The following ATG4B variants were observed in gnomAD, a reference collection of about 807,000 sequenced individuals.
ATG4B encodes the protein autophagy related 4B cysteine peptidase.
ATG4B carries 29 observed loss-of-function variants against 56.6 expected under a neutral mutation model. The observed-to-expected ratio is 0.51, with a 90% CI of 0.38 to 0.70. ATG4B has a LOEUF of 0.70. ATG4B is among the 30% of genes least tolerant of loss of function. The probability of loss-of-function intolerance (pLI) is 0.00; values close to 1 mark genes in which losing one functional copy is unlikely to be tolerated. For missense variants in ATG4B, 461 were observed against 515.5 expected, an observed-to-expected ratio of 0.89 and a Z score of 1.02; for synonymous variants, 224 against 206.1, an observed-to-expected ratio of 1.09 and a Z score of -0.74.
chr2:241,645,864 G>A (rs879870976), intron 1 of ATG4B, among the ~76,000 whole-genome samples: 2 of 152,174 alleles, frequency 1.3e-5, no homozygotes, highest in South Asian at 2.1e-4. Flanking sequence ...GGGGAGGGCC[G>A]GAGTGCGTTT....
At chr2:241,648,111 C>T (rs1480062905) in intron 1 of ATG4B, among the ~76,000 whole-genome samples, 1 of 151,974 alleles carries the variant, frequency 6.6e-6, no homozygotes, top group African/African-American at 2.4e-5. Context: ...GAGACTCCAT[C>T]ACAAAAGAAT....
chr2:241,662,986 A>G (rs1185532552), intron 7 of ATG4B, among the ~76,000 whole-genome samples: 1 of 152,204 alleles, frequency 6.6e-6, no homozygotes, highest in East Asian at 1.9e-4. Flanking sequence ...CTATAATCCC[A>G]GCACTTCGGG....
At chr2:241,672,066 A>C in intron 12 of ATG4B, 125 bp from the exon 13 acceptor site, 8 of 1,446,548 alleles carry the variant, frequency 5.5e-6, no homozygotes, top group South Asian at 2.7e-5. Context: ...TCACACCCGC[A>C]TGGGGACAGC....
Position 241,668,704 on chromosome 2 carries a change from A to G in ATG4B, c.957+19A>G, listed in dbSNP as rs756536832. 9 of 1,559,842 alleles carry G rather than the reference A, an allele frequency of 5.8e-6. No individual in the cohort carries two copies. In the East Asian group the frequency reaches 2.1e-4, roughly 37 times the overall value. ...CGCTGTGGTACGTGGCGGCCACCTGAGCACACAGGCATTTGGTGCTGAATG... is the reference window on the plus strand; with the variant it reads ...CGCTGTGGTACGTGGCGGCCACCTGGGCACACAGGCATTTGGTGCTGAATG... On this transcript the variant is annotated intron_variant, in intron 10 of 12. Transcript: ENST00000404914. This position sits in a 1 kb window ranked among gnomAD's most constrained non-coding sequence, Gnocchi z 4.2.
rs2068861695 is a variant in ATG4B at position 241,668,802 on chromosome 2, G to T, written c.957+117G>T. 2 of 1,420,596 alleles carry T rather than the reference G, an allele frequency of 1.4e-6. No homozygotes were observed. Among genetic ancestry groups the T allele is most frequent in the African/African-American group, 2.9e-5 (2 of 68,878 alleles). 88.0% of individuals were successfully genotyped at this position (1,420,596 alleles called of 1,614,324 possible). On this transcript the variant is annotated intron_variant, in intron 10 of 12. Coordinates refer to ENST00000404914, the MANE Select transcript of ATG4B (RefSeq NM_013325.5). The surrounding 1 kb of genome is among the most constrained non-coding windows in gnomAD (Gnocchi z 4.2). Reference sequence around the variant, plus strand: ...TTCAGCATGTTGGGATAAGTACTGTGTTCACGTGGTTGGGAATCTGAAGGG... The same window carrying T: ...TTCAGCATGTTGGGATAAGTACTGTTTTCACGTGGTTGGGAATCTGAAGGG...
chr2:241,670,992 G>A (rs191875478), intron 11 of ATG4B, among the ~76,000 whole-genome samples: 132 of 152,370 alleles, frequency 8.7e-4, no homozygotes, highest in Middle Eastern at 3.4e-3. Flanking sequence ...CCTGGGGACG[G>A]ATGTTGCGTG....
chr2:241,664,954 G>A (rs144383845), intron 7 of ATG4B, among the ~76,000 whole-genome samples: 2,651 of 151,824 alleles, frequency 0.017, 30 homozygotes, highest in Non-Finnish European at 0.026. Flanking sequence ...ACAGAGAATC[G>A]GCTTCAAAAA....
Position 241,666,548 on chromosome 2 carries a change from G to T in ATG4B, c.539-97G>T, listed in dbSNP as rs754205622. 22 of 1,287,472 alleles carry T rather than the reference G, an allele frequency of 1.7e-5. No individual in the cohort carries two copies. The South Asian group carries it at 2.5e-4, about 15-fold the overall frequency. The allele number at this position is 1,287,472 out of a possible 1,614,324, so 79.8% of individuals were successfully genotyped here. A position where few individuals can be genotyped will look rare whatever the true frequency, so the allele number is the denominator to read the frequency against. On this transcript the variant is annotated intron_variant, in intron 7 of 12. Coordinates refer to ENST00000404914, the MANE Select transcript of ATG4B (RefSeq NM_013325.5). ...CACTGTAAGCACCTGGCTTTGTACC[G>T]CCCTTTTTCTGTTACACAGTCATCA...
intron 1 of ATG4B, among the ~76,000 whole-genome samples, chr2:241,639,056 C>G (rs1315066335): frequency 6.6e-6 from 1 of 152,156 alleles, no homozygotes; most frequent in East Asian, 1.9e-4. Flanking sequence ...CGGTGGGCAC[C>G]TGGTTTGCAC....
chr2:241,655,208 G>A lies in ATG4B; in HGVS notation c.386-63G>A, dbSNP rs1041896966. 3.9e-5 allele frequency: 60 copies of A among 1,525,178 alleles called. No individual in the cohort carries two copies. The South Asian group carries it at 6.2e-4, about 16-fold the overall frequency. The allele number at this position is 1,525,178 out of a possible 1,614,324, so 94.5% of individuals were successfully genotyped here. On this transcript the variant is annotated intron_variant, in intron 5 of 12. Coordinates refer to ENST00000404914, the MANE Select transcript of ATG4B (RefSeq NM_013325.5). ...CCTGTGACGTGTCTCCTGGCACCAC[G>A]TGCCACCAGAGGTCAGGGCTGGGGG...
At chr2:241,641,539 G>C (rs1332472157) in intron 1 of ATG4B, among the ~76,000 whole-genome samples, 1 of 145,686 alleles carries the variant, frequency 6.9e-6, no homozygotes, top group African/African-American at 2.6e-5. Context: ...GACAGAGCGA[G>C]ACTCTGTCTC....
chr2:241,651,668 G>A lies in ATG4B; in HGVS notation c.184+333G>A, dbSNP rs371188160. Among the ~76,000 whole-genome samples, 2 of 152,200 alleles carry A rather than the reference G, an allele frequency of 1.3e-5. No homozygotes were observed. The highest frequency in any genetic ancestry group is 1.3e-4 in the Admixed American group (2 of 15,284). Reference sequence around the variant, plus strand: ...GTCCGCCACGGGCACGCAGCATGGCGCTTCAGGGATCTTCGTTTTCGTTTG... The same window carrying A: ...GTCCGCCACGGGCACGCAGCATGGCACTTCAGGGATCTTCGTTTTCGTTTG... On this transcript the variant is annotated intron_variant, in intron 3 of 12. Coordinates refer to ENST00000404914, the MANE Select transcript of ATG4B (RefSeq NM_013325.5). This position sits in a 1 kb window ranked among gnomAD's most constrained non-coding sequence, Gnocchi z 4.1.
At chr2:241,662,491 G>C (rs1156623454) in intron 7 of ATG4B, among the ~76,000 whole-genome samples, 13 of 152,158 alleles carry the variant, frequency 8.5e-5, no homozygotes, top group African/African-American at 2.4e-4. Flanking sequence ...GTGGTGGCAG[G>C]AATAGGCAAA....
At chr2:241,653,779 A>C (rs1487269000) in intron 4 of ATG4B, among the ~76,000 whole-genome samples, 169 bp downstream of exon 4, 1 of 152,162 alleles carries the variant, frequency 6.6e-6, no homozygotes, top group Non-Finnish European at 1.5e-5. Flanking sequence ...AACTGACTTT[A>C]AAGAATGCTA....
rs369501931 is a variant in ATG4B at position 241,671,370 on chromosome 2, A to G, written c.1073A>G (p.His358Arg). The change falls in exon 12 of 13, where the codon CAT becomes CGT. Residue 358 changes from histidine to arginine, a missense_variant. Coordinates refer to ENST00000404914, the MANE Select transcript of ATG4B (RefSeq NM_013325.5). Reference protein sequence around the residue: ...MFELVELQPSHLACPDVLNLS... With the variant: ...MFELVELQPSRLACPDVLNLS... ...GAGCTGGTGGAGCTGCAGCCTTCACATCTGGCCTGCCCCGACGTCCTGAAC... is the reference window on the plus strand; with the variant it reads ...GAGCTGGTGGAGCTGCAGCCTTCACGTCTGGCCTGCCCCGACGTCCTGAAC... 4 of 1,613,522 alleles carry G rather than the reference A, an allele frequency of 2.5e-6. No individual in the cohort carries two copies. The highest frequency in any genetic ancestry group is 3.4e-6 in the Non-Finnish European group (4 of 1,179,802).
intron 3 of ATG4B, among the ~76,000 whole-genome samples, chr2:241,652,396 G>T (rs1168345453): frequency 6.6e-6 from 1 of 152,250 alleles, no homozygotes; most frequent in Non-Finnish European, 1.5e-5. Context: ...AAGCCTTTCT[G>T]GTTTGGCAGA....
In ATG4B at chr2:241,673,109, C is replaced by G. The variant is rs1355056987; in HGVS notation, c.*845C>G. Reference sequence around the variant, plus strand: ...GTGGACGGCGTGCCTCTCCCAGGAGCCTTCCCCATGTCCTTGCCTTGCTGA... The same window carrying G: ...GTGGACGGCGTGCCTCTCCCAGGAGGCTTCCCCATGTCCTTGCCTTGCTGA... On this transcript the variant is annotated 3_prime_UTR_variant, in exon 13 of 13. Coordinates refer to ENST00000404914, the MANE Select transcript of ATG4B (RefSeq NM_013325.5). 1.1e-5 allele frequency: 2 copies of G among 179,966 alleles called. No homozygotes were observed. The highest frequency in any genetic ancestry group is 2.4e-5 in the Non-Finnish European group (2 of 83,726). 11.1% of individuals were successfully genotyped at this position (179,966 alleles called of 1,614,324 possible).
At chr2:241,671,502 G>A (rs777205229) in intron 12 of ATG4B, 97 bp downstream of exon 12, 1 of 1,557,546 alleles carries the variant, frequency 6.4e-7, no homozygotes, top group Non-Finnish European at 8.7e-7. Flanking sequence ...ATTAAGGTGT[G>A]TGTGAGCCTG....
At chr2:241,645,841 G>A (rs1474094387) in intron 1 of ATG4B, among the ~76,000 whole-genome samples, 1 of 152,160 alleles carries the variant, frequency 6.6e-6, no homozygotes, top group Non-Finnish European at 1.5e-5. Flanking sequence ...TCCCAACAGA[G>A]GGCAGGATTC....
Sources: gnomAD v4.1 joint callset for allele counts (sites outside exome capture counted in the v4.1 genomes callset) on GRCh38, gnomAD v4.1.1 for gene constraint, Gnocchi (gnomAD v3.1) non-coding constraint, MANE v1.5 for transcripts, NCBI Gene and HGNC (gene_info 2026-07-23, HGNC 2026-07-21) for gene names.